Variants in PHF21A observed in about 807,000 individuals in gnomAD.
PHF21A encodes the protein BHC80a.
A neutral mutation model predicts 82.5 loss-of-function variants in PHF21A; 11 were observed. That is an observed-to-expected ratio of 0.13 (90% CI 0.08 to 0.22). PHF21A has a LOEUF of 0.22. Ranked by LOEUF, PHF21A falls within the 10% of genes least tolerant of loss-of-function variation. PHF21A has a pLI of 1.00. For synonymous variants in PHF21A, 297 were observed against 302.8 expected (o/e 0.98, Z 0.20); for missense variants, 579 against 837.8 (o/e 0.69, Z 3.81).
At chr11:45,996,490 A>T (rs1315765642) in intron 6 of PHF21A, among the ~76,000 whole-genome samples, 1 of 152,166 alleles carries the variant, frequency 6.6e-6, no homozygotes, top group Non-Finnish European at 1.5e-5. Context: ...GGCCACATAA[A>T]TGATTTCCCT....
At chr11:45,995,075 A>T (rs892534844) in intron 6 of PHF21A, among the ~76,000 whole-genome samples, 1 of 152,222 alleles carries the variant, frequency 6.6e-6, no homozygotes, top group Non-Finnish European at 1.5e-5. Context: ...CTCTGCTTAG[A>T]TGTTGAGAAT....
intron 1 of PHF21A, among the ~76,000 whole-genome samples, chr11:46,112,988 C>T (rs1359527321): frequency 6.6e-6 from 1 of 152,182 alleles, no homozygotes; most frequent in Non-Finnish European, 1.5e-5. Context: ...TAGGTTGTTT[C>T]TGAAGACTCA....
intron 6 of PHF21A, among the ~76,000 whole-genome samples, chr11:45,998,952 G>A (rs902577735): frequency 1.3e-5 from 2 of 151,704 alleles, no homozygotes; most frequent in African/African-American, 4.8e-5. Flanking sequence ...CCTCCCTCCC[G>A]AATAGCTGGG....
intron 10 of PHF21A, among the ~76,000 whole-genome samples, chr11:45,957,751 C>CAAAAAAAAAAA: frequency 1.4e-3 from 83 of 60,884 alleles, no homozygotes; most frequent in East Asian, 3.5e-3. Context: ...AAATTCAAAG[C>CAAAAAAAAAAA]AAAAAAAAAA....
At chr11:46,000,099 T>C (rs1024151214) in intron 6 of PHF21A, among the ~76,000 whole-genome samples, 1 of 152,158 alleles carries the variant, frequency 6.6e-6, no homozygotes, top group Admixed American at 6.5e-5. Context: ...TTTAACTGCT[T>C]GATAGGTGTA....
chr11:45,954,685 T>G (rs1440875446), intron 10 of PHF21A, among the ~76,000 whole-genome samples: 1 of 152,190 alleles, frequency 6.6e-6, no homozygotes, highest in Non-Finnish European at 1.5e-5. Context: ...TATGAAGCTC[T>G]CCGTAAATAC....
chr11:45,995,361 G>A (rs1311679088), intron 6 of PHF21A, among the ~76,000 whole-genome samples: 1 of 152,156 alleles, frequency 6.6e-6, no homozygotes, highest in Non-Finnish European at 1.5e-5. Context: ...GGTGGCTGAA[G>A]GTGCTCCTGT....
chr11:46,039,689 A>C (rs1412906111), intron 6 of PHF21A, among the ~76,000 whole-genome samples: 1 of 152,176 alleles, frequency 6.6e-6, no homozygotes, highest in African/African-American at 2.4e-5. Context: ...ATTGCACTCC[A>C]CCCTTCTCAG....
At chr11:45,973,660 G>A (rs1189457423) in intron 7 of PHF21A, among the ~76,000 whole-genome samples, 1 of 152,182 alleles carries the variant, frequency 6.6e-6, no homozygotes, top group South Asian at 2.1e-4. Context: ...TAATAGTAGT[G>A]TAACAGCAAG....
chr11:46,033,753 G>A (rs778109186), intron 6 of PHF21A, among the ~76,000 whole-genome samples: 1 of 152,088 alleles, frequency 6.6e-6, no homozygotes, highest in African/African-American at 2.4e-5. Context: ...TATAAACACC[G>A]GATTTCAAAG....
At chr11:45,948,068 C>T (rs1298240165) in intron 14 of PHF21A, among the ~76,000 whole-genome samples, 2 of 152,216 alleles carry the variant, frequency 1.3e-5, no homozygotes, top group African/African-American at 2.4e-5. Context: ...TGCTACTCCG[C>T]TCACTCTGCA....
chr11:46,053,887 T>C (rs924672728), intron 6 of PHF21A, among the ~76,000 whole-genome samples: 35 of 152,194 alleles, frequency 2.3e-4, no homozygotes, highest in African/African-American at 8.2e-4. Context: ...CTCTGCTGCA[T>C]GTGATGATTA....
chr11:46,106,496 G>A (rs2135885183), intron 1 of PHF21A, among the ~76,000 whole-genome samples: 1 of 152,254 alleles, frequency 6.6e-6, no homozygotes, highest in Admixed American at 6.5e-5. Flanking sequence ...GGTGTTGGGG[G>A]TTGGGGGAAG....
At chr11:46,059,584 T>C (rs2096506544) in intron 6 of PHF21A, among the ~76,000 whole-genome samples, 1 of 151,584 alleles carries the variant, frequency 6.6e-6, no homozygotes, top group African/African-American at 2.4e-5. Context: ...CCACCACACC[T>C]GGCTAACTTT....
rs2093178986 is a variant in PHF21A at position 45,962,746 on chromosome 11, A to G, written c.996+2569T>C. 4.1e-5 allele frequency among the ~76,000 whole-genome samples: 6 copies of G among 147,370 alleles called. No homozygotes were observed. The South Asian group carries it at 1.3e-3, about 33-fold the overall frequency. On this transcript the variant is annotated intron_variant, in intron 10 of 18. Transcript: ENST00000676320. Reference sequence around the variant, plus strand: ...ATCTCTACTAAAAATACAAAAAATTAGCCGGGCATGGTGGCAGGCGCATGT... The same window carrying G: ...ATCTCTACTAAAAATACAAAAAATTGGCCGGGCATGGTGGCAGGCGCATGT...
At chr11:46,103,164 A>G (rs551793480) in intron 1 of PHF21A, among the ~76,000 whole-genome samples, 54 of 152,336 alleles carry the variant, frequency 3.5e-4, no homozygotes, top group African/African-American at 8.2e-4. Context: ...TCAAAATTGT[A>G]TAATTCTTTA....
chr11:46,083,645 C>T (rs1431414938), intron 4 of PHF21A: 3 of 152,294 alleles, frequency 2.0e-5, no homozygotes. Context: ...ACTCTGTTTA[C>T]ATAACAAATT....
chr11:45,959,700 C>G (rs564000766), intron 10 of PHF21A, among the ~76,000 whole-genome samples: 1 of 152,194 alleles, frequency 6.6e-6, no homozygotes, highest in South Asian at 2.1e-4. Flanking sequence ...TTGTAGGGTA[C>G]AAGATCAAGA....
At chr11:46,115,558 C>T (rs574041113) in intron 1 of PHF21A, among the ~76,000 whole-genome samples, 1 of 152,036 alleles carries the variant, frequency 6.6e-6, no homozygotes, top group Admixed American at 6.6e-5. Context: ...AAACATACAC[C>T]TGAGAAAATT....
Sources: gnomAD v4.1 joint callset for allele counts (sites outside exome capture counted in the v4.1 genomes callset) on GRCh38, gnomAD v4.1.1 for gene constraint, MANE v1.5 for transcripts, NCBI Gene and HGNC (gene_info 2026-07-23, HGNC 2026-07-21) for gene names.